SP6: variants seen among roughly 807,000 people sequenced by gnomAD.
SP6 encodes the protein Sp6 transcription factor.
A neutral mutation model predicts 23.4 loss-of-function variants in SP6; 10 were observed. The ratio of observed to expected loss-of-function variants is 0.43; its 90% CI spans 0.26 to 0.72. The LOEUF is 0.72. Ranked by LOEUF, SP6 falls within the 30% of genes least tolerant of loss-of-function variation. The pLI, the probability that SP6 is intolerant of heterozygous loss-of-function variation, is 0.23. For missense variants in SP6, 482 were observed against 523.8 expected (o/e 0.92, Z 0.78); for synonymous variants, 238 against 238.7 (o/e 1.00, Z 0.03).
upstream of SP6, among the ~76,000 whole-genome samples, chr17:47,855,253 T>C (rs80130485): frequency 6.4e-4 from 98 of 152,302 alleles, 1 homozygote; most frequent in East Asian, 0.018. Flanking sequence ...GGCTTGAGTG[T>C]AGGGTGTCTT....
At chr17:47,874,791 A>G in the SP6 span, among the ~76,000 whole-genome samples, 2 of 152,160 alleles carry the variant, frequency 1.3e-5, no homozygotes, top group African/African-American at 4.8e-5. Flanking sequence ...GGGCTTCGCA[A>G]GAACACAGGC....
chr17:47,864,187 T>C, the SP6 span, among the ~76,000 whole-genome samples: 1 of 152,000 alleles, frequency 6.6e-6, no homozygotes, highest in African/African-American at 2.4e-5. Context: ...CCACAAGTGC[T>C]GTCCTCTCCA....
At chr17:47,863,756 T>TTGG in the SP6 span, among the ~76,000 whole-genome samples, 1 of 114,426 alleles carries the variant, frequency 8.7e-6, no homozygotes, top group Non-Finnish European at 1.9e-5. Context: ...TTTTTTTTTT[T>TTGG]GAGATGGAGT....
the SP6 span, among the ~76,000 whole-genome samples, chr17:47,870,745 T>C: frequency 2.6e-5 from 4 of 152,126 alleles, no homozygotes; most frequent in African/African-American, 7.2e-5. Context: ...GGTTTCCTAA[T>C]TGGCACCCCA....
upstream of SP6, among the ~76,000 whole-genome samples, chr17:47,859,682 A>G (rs988573436): frequency 1.3e-5 from 2 of 152,048 alleles, no homozygotes; most frequent in African/African-American, 4.8e-5. Flanking sequence ...AAACCCAAAG[A>G]TCCATGAAGT....
upstream of SP6, among the ~76,000 whole-genome samples, chr17:47,852,273 C>T (rs2033965352): frequency 6.6e-6 from 1 of 152,132 alleles, no homozygotes; most frequent in East Asian, 1.9e-4. Flanking sequence ...AAAAACTTCC[C>T]TCAAGATCTG....
chr17:47,857,441 A>G (rs1376690320), upstream of SP6, among the ~76,000 whole-genome samples: 1 of 152,216 alleles, frequency 6.6e-6, no homozygotes, highest in African/African-American at 2.4e-5. Flanking sequence ...AAATTCTTTC[A>G]ATCGGTTCCA....
Position 47,847,771 on chromosome 17 carries a change from G to A in SP6, c.659C>T (p.Pro220Leu), listed in dbSNP as rs755379615. The A allele has an allele frequency of 1.2e-5, 18 of 1,553,400 alleles. No homozygotes were observed. The highest frequency in any genetic ancestry group is 1.6e-5 in the Non-Finnish European group (18 of 1,151,588). Reference sequence around the variant, plus strand: ...ACAGACGGTCTGGCCTGAGCTGCGGGGCACCGACCGCCGGGAGCCTTTGGG... The same window carrying A: ...ACAGACGGTCTGGCCTGAGCTGCGGAGCACCGACCGCCGGGAGCCTTTGGG... ...ARPKGSRRSV[P>L]RSSGQTVCRC... is the part of the protein sequence containing the mutation. Residue 220 changes from proline (P) to leucine (L), a missense_variant, in exon 2 of 2, where the codon CCC becomes CTC. Around this residue, in one of 3 missense-constraint regions of SP6, gnomAD observed 330 missense variants for 332.3 expected, o/e 0.99. Transcript: ENST00000536300.
chr17:47,865,738 G>A, the SP6 span, among the ~76,000 whole-genome samples: 1 of 152,136 alleles, frequency 6.6e-6, no homozygotes, highest in Non-Finnish European at 1.5e-5. Flanking sequence ...GCATCCAAAT[G>A]CTGCTGCTAT....
At chr17:47,858,767 C>CTTTTTTTTTTTTTT (rs36092685), upstream of SP6, among the ~76,000 whole-genome samples, 3 of 92,648 alleles carry the variant, frequency 3.2e-5, 1 homozygote, top group African/African-American at 8.8e-5. Flanking sequence ...GATGAAGCAT[C>CTTTTTTTTTTTTTT]TTTTTTTTTT....
chr17:47,849,073 G>A (rs979107064), intron 1 of SP6, among the ~76,000 whole-genome samples: 2 of 152,024 alleles, frequency 1.3e-5, no homozygotes, highest in Non-Finnish European at 1.5e-5. Flanking sequence ...GCTGCTCCCC[G>A]CCTGGCCTGG....
upstream of SP6, among the ~76,000 whole-genome samples, chr17:47,858,227 C>T (rs1444973039): frequency 2.0e-5 from 3 of 152,074 alleles, no homozygotes; most frequent in Admixed American, 1.3e-4. Flanking sequence ...CTTTCTCCTC[C>T]TTGCCCAGCC....
upstream of SP6, among the ~76,000 whole-genome samples, chr17:47,853,585 G>C (rs189724108): frequency 6.6e-6 from 1 of 152,230 alleles, no homozygotes; most frequent in Non-Finnish European, 1.5e-5. Context: ...GCATCAGATT[G>C]CCTTCTCTTC....
rs1025121020 is a variant in SP6, at chr17:47,851,120, G to C, written c.-259C>G. The C allele has an allele frequency of 6.6e-6, 1 of 152,468 alleles. No individual in the cohort carries two copies. The highest frequency in any genetic ancestry group is 1.5e-5 in the Non-Finnish European group (1 of 68,270). The allele number at this position is 152,468 out of a possible 1,614,324, so 9.4% of individuals were successfully genotyped here. On this transcript the variant is annotated 5_prime_UTR_variant, in exon 1 of 2. Coordinates refer to ENST00000536300, the MANE Select transcript of SP6 (RefSeq NM_001258248.2). ...GGACGGAGGGCGGGCAGGAGCCAGC[G>C]AGCGAACAAGGCCAGCTCCGCCCGT...
At chr17:47,874,249 G>T in the SP6 span, among the ~76,000 whole-genome samples, 1 of 152,114 alleles carries the variant, frequency 6.6e-6, no homozygotes, top group African/African-American at 2.4e-5. Flanking sequence ...ACCACACCTG[G>T]CTAATTTTAA....
the SP6 span, among the ~76,000 whole-genome samples, chr17:47,861,894 A>C: frequency 1.3e-5 from 2 of 151,758 alleles, no homozygotes; most frequent in Admixed American, 1.3e-4. Context: ...AAAAGTACAA[A>C]AATTAGTTGG....
chr17:47,848,966 G>A lies in SP6; in HGVS notation c.-57-480C>T, dbSNP rs2033926431. Among the ~76,000 whole-genome samples the A allele has an allele frequency of 6.6e-6, 1 of 152,158 alleles. No individual in the cohort carries two copies. The highest frequency in any genetic ancestry group is 1.5e-5 in the Non-Finnish European group (1 of 68,026). ...TGAAACCCAAAGCTTCAGGTGACCT[G>A]CCCCTCATAAAGCCTCAAACGGGTC... On this transcript the variant is annotated intron_variant, in intron 1 of 1. Coordinates refer to ENST00000536300, the MANE Select transcript of SP6 (RefSeq NM_001258248.2). This position sits in a 1 kb window ranked among gnomAD's most constrained non-coding sequence, Gnocchi z 5.3.
chr17:47,847,725 C>G lies in SP6; in HGVS notation c.705G>C (p.Glu235Asp). The stretch of plus-strand genomic sequence containing the variant: ...CACATGGAGCCCCCAGTCGCTCCGC[C>G]TCCAGACAGTTGGGGCAGCGACAGA... ...QTVCRCPNCL[E>D]AERLGAPCGP... Residue 235 changes from glutamate to aspartate, a missense_variant, in exon 2 of 2, where the codon GAG becomes GAC. Transcript: ENST00000536300. The G allele has an allele frequency of 6.3e-7, 1 of 1,595,988 alleles. No individual in the cohort carries two copies. The highest frequency in any genetic ancestry group is 8.5e-7 in the Non-Finnish European group (1 of 1,169,846).
At chr17:47,858,293 C>T (rs1484705308), upstream of SP6, among the ~76,000 whole-genome samples, 3 of 152,154 alleles carry the variant, frequency 2.0e-5, no homozygotes, top group Admixed American at 2.0e-4. Flanking sequence ...CTTCCCTTTT[C>T]CCACCCACCA....
Sources: allele counts gnomAD v4.1 joint callset (sites outside exome capture counted in the v4.1 genomes callset), GRCh38; gene constraint gnomAD v4.1.1; regional missense constraint gnomAD v4.1.1; non-coding constraint Gnocchi (gnomAD v3.1); transcripts MANE v1.5; gene names NCBI Gene and HGNC (gene_info 2026-07-23, HGNC 2026-07-21).